The following SLC10A7 variants were observed in gnomAD, a reference collection of about 807,000 sequenced individuals.
SLC10A7 encodes solute carrier family 10 member 7, also known as sodium/bile acid cotransporter 7.
Under a neutral mutation model 43.2 loss-of-function variants are expected in SLC10A7, and 29 were observed. The observed-to-expected ratio is 0.67, with a 90% CI of 0.50 to 0.92. The LOEUF is 0.92. Among genes scored for constraint, SLC10A7 ranks in the 40% least tolerant of loss-of-function variants. SLC10A7 has a pLI of 0.00. For missense variants in SLC10A7, 295 were observed against 403.2 expected, an observed-to-expected ratio of 0.73 and a Z score of 2.30; for synonymous variants, 152 against 144.8, an observed-to-expected ratio of 1.05 and a Z score of -0.35.
At chr4:146,519,386 G>A (rs1560992378) in intron 1 of SLC10A7, among the ~76,000 whole-genome samples, 1 of 148,124 alleles carries the variant, frequency 6.8e-6, no homozygotes, top group African/African-American at 2.5e-5. Context: ...TTAGGCATTT[G>A]TAGTACAACA....
chr4:146,520,756 A>G (rs536292622), intron 1 of SLC10A7, among the ~76,000 whole-genome samples: 1 of 152,318 alleles, frequency 6.6e-6, no homozygotes, highest in South Asian at 2.1e-4. Context: ...GGAAACTGAC[A>G]AACAAGGTCA....
intron 4 of SLC10A7, among the ~76,000 whole-genome samples, chr4:146,490,130 C>T (rs1735264977): frequency 6.6e-6 from 1 of 151,988 alleles, no homozygotes; most frequent in African/African-American, 2.4e-5. Flanking sequence ...ATTATACTGC[C>T]AGTTCTCATT....
chr4:146,422,186 A>C (rs1443350710), intron 5 of SLC10A7, among the ~76,000 whole-genome samples: 1 of 152,204 alleles, frequency 6.6e-6, no homozygotes, highest in Non-Finnish European at 1.5e-5. Context: ...ATGGAGAAAT[A>C]AAACGCTCTA....
chr4:146,472,655 A>T (rs1343337585), intron 4 of SLC10A7, among the ~76,000 whole-genome samples: 2 of 152,094 alleles, frequency 1.3e-5, no homozygotes, highest in African/African-American at 4.8e-5. Context: ...ACCCTGGTGG[A>T]AGCTGCCTTA....
intron 4 of SLC10A7, among the ~76,000 whole-genome samples, chr4:146,473,783 G>A (rs926581280): frequency 6.6e-5 from 10 of 151,968 alleles, no homozygotes. Context: ...AATGGATCCT[G>A]CAGTCAAACA....
intron 5 of SLC10A7, among the ~76,000 whole-genome samples, chr4:146,423,589 G>A (rs940825296): frequency 7.2e-5 from 11 of 152,122 alleles, no homozygotes; most frequent in African/African-American, 1.9e-4. Context: ...ACACCAAAGC[G>A]AGGTGGTAAA....
At chr4:146,402,471 T>C (rs1202717276) in intron 5 of SLC10A7, among the ~76,000 whole-genome samples, 1 of 152,098 alleles carries the variant, frequency 6.6e-6, no homozygotes. Flanking sequence ...CCCAGTCACC[T>C]CTTCAGCCCT....
At chr4:146,281,365 C>G (rs1228975095) in intron 10 of SLC10A7, among the ~76,000 whole-genome samples, 1 of 144,886 alleles carries the variant, frequency 6.9e-6, no homozygotes, top group Non-Finnish European at 1.5e-5. Context: ...AAAGCAAGTC[C>G]TTAAAAGTAT....
intron 4 of SLC10A7, among the ~76,000 whole-genome samples, chr4:146,481,084 A>T (rs973718955): frequency 2.6e-5 from 4 of 152,072 alleles, no homozygotes; most frequent in Non-Finnish European, 5.9e-5. Context: ...AGCACACCAG[A>T]GCAGTTGTAC....
chr4:146,305,766 A>G (rs1324363492), intron 7 of SLC10A7, among the ~76,000 whole-genome samples, 160 bp downstream of exon 7: 1 of 152,088 alleles, frequency 6.6e-6, no homozygotes, highest in Non-Finnish European at 1.5e-5. Flanking sequence ...AAAAAATAAA[A>G]AAGATGAGAA....
chr4:146,454,339 A>G (rs1731863850), intron 4 of SLC10A7, among the ~76,000 whole-genome samples: 1 of 151,914 alleles, frequency 6.6e-6, no homozygotes, highest in Non-Finnish European at 1.5e-5. Context: ...CAGAATTTTT[A>G]AGTGGGAGAG....
chr4:146,379,033 G>A (rs911279987), intron 5 of SLC10A7, among the ~76,000 whole-genome samples: 4 of 152,192 alleles, frequency 2.6e-5, no homozygotes, highest in Admixed American at 6.5e-5. Context: ...GCATCATGGA[G>A]GCTCACAATT....
At chr4:146,392,851 G>A (rs951057278) in intron 5 of SLC10A7, among the ~76,000 whole-genome samples, 5 of 152,042 alleles carry the variant, frequency 3.3e-5, no homozygotes, top group Non-Finnish European at 5.9e-5. Context: ...ACAAGACACT[G>A]CATGACCTTG....
chr4:146,475,284 T>C (rs531447415), intron 4 of SLC10A7, among the ~76,000 whole-genome samples: 1 of 152,306 alleles, frequency 6.6e-6, no homozygotes, highest in Admixed American at 6.5e-5. Flanking sequence ...AGGTATCTGA[T>C]TATCTATCAG....
intron 5 of SLC10A7, among the ~76,000 whole-genome samples, chr4:146,335,250 G>GAAAAAAAAAAAAAAAAA (rs772547279): frequency 2.8e-5 from 2 of 70,600 alleles, no homozygotes; most frequent in African/African-American, 1.4e-4. Flanking sequence ...CACAGATGTT[G>GAAAAAAAAAAAAAAAAA]TAAAAAAAAA....
intron 10 of SLC10A7, among the ~76,000 whole-genome samples, chr4:146,280,680 A>T (rs1471221496): frequency 2.0e-5 from 3 of 152,190 alleles, no homozygotes; most frequent in African/African-American, 7.2e-5. Context: ...GTAAATTTAT[A>T]GTGCTTAACA....
chr4:146,445,622 C>T (rs1368686877), intron 4 of SLC10A7, among the ~76,000 whole-genome samples: 2 of 152,150 alleles, frequency 1.3e-5, no homozygotes, highest in South Asian at 2.1e-4. Flanking sequence ...CTTTTACACT[C>T]TGCCCTCTTG....
intron 5 of SLC10A7, among the ~76,000 whole-genome samples, chr4:146,327,472 G>A (rs1400075467): frequency 6.6e-6 from 1 of 152,110 alleles, no homozygotes; most frequent in Non-Finnish European, 1.5e-5. Context: ...TCAATGACTT[G>A]TACTAAGTTC....
chr4:146,261,584 A>G (rs905721657), intron 10 of SLC10A7, among the ~76,000 whole-genome samples: 3 of 152,126 alleles, frequency 2.0e-5, no homozygotes, highest in South Asian at 2.1e-4. Context: ...TCTGCCTTGT[A>G]TAACAGTCAT....
Sources: allele counts gnomAD v4.1 joint callset (sites outside exome capture counted in the v4.1 genomes callset), GRCh38; gene constraint gnomAD v4.1.1; transcripts MANE v1.5; gene names NCBI Gene and HGNC (gene_info 2026-07-23, HGNC 2026-07-21).